SLC2A9: variants seen among roughly 807,000 people sequenced by gnomAD.
SLC2A9 encodes solute carrier family 2, facilitated glucose transporter member 9.
In SLC2A9, 39 loss-of-function variants were observed where a neutral mutation model predicts 50.6. The ratio of observed to expected loss-of-function variants is 0.77; its 90% CI spans 0.60 to 1.01. The LOEUF (loss-of-function observed/expected upper bound fraction) is 1.01. SLC2A9 is among the 50% of genes least tolerant of loss of function. The pLI is 0.00. For synonymous variants in SLC2A9, 324 were observed against 276.9 expected, an observed-to-expected ratio of 1.17 and a Z score of -1.69; for missense variants, 686 against 677.6, an observed-to-expected ratio of 1.01 and a Z score of -0.14.
intron 10 of SLC2A9, among the ~76,000 whole-genome samples, chr4:9,859,304 C>T (rs1731238017): frequency 6.6e-6 from 1 of 152,182 alleles, no homozygotes; most frequent in Non-Finnish European, 1.5e-5. Flanking sequence ...GGGGTCCTCT[C>T]CGTCAAGGTG....
chr4:9,890,536 A>C, intron 9 of SLC2A9, 74 bp downstream of exon 9: 1 of 1,375,312 alleles, frequency 7.3e-7, no homozygotes, highest in South Asian at 1.2e-5. Context: ...CACAAATCAA[A>C]GGCCCCAAAA....
chr4:9,944,805 G>A (rs1005893422), intron 5 of SLC2A9, among the ~76,000 whole-genome samples: 8 of 150,342 alleles, frequency 5.3e-5, no homozygotes, highest in African/African-American at 1.3e-4. Context: ...AGGGAGAGGT[G>A]TTATAGTTAG....
chr4:9,878,133 A>AAC lies in SLC2A9; in HGVS notation c.1291+9432_1291+9433dup, dbSNP rs1288116397. 9.2e-5 allele frequency among the ~76,000 whole-genome samples: 14 copies of AAC among 151,532 alleles called. No individual in the cohort carries two copies. In the South Asian group the frequency reaches 1.0e-3, roughly 11 times the overall value. Reference sequence around the variant, plus strand: ...CAGCCCAGGGCTGGCACTGTGGCATAACACACACACACATATATATATATA... The same window carrying AAC: ...CAGCCCAGGGCTGGCACTGTGGCATAACACACACACACACATATATATATATA... On this transcript the variant is annotated intron_variant, in intron 10 of 11. Coordinates refer to ENST00000264784, the MANE Select transcript of SLC2A9 (RefSeq NM_020041.3).
intron 10 of SLC2A9, among the ~76,000 whole-genome samples, chr4:9,883,610 C>G (rs1735624835): frequency 6.6e-6 from 1 of 152,206 alleles, no homozygotes; most frequent in Non-Finnish European, 1.5e-5. Context: ...TGAGTGGAAA[C>G]TGAGCAAGTG....
intron 10 of SLC2A9, among the ~76,000 whole-genome samples, chr4:9,839,460 T>A (rs140121074): frequency 6.6e-6 from 1 of 152,230 alleles, no homozygotes; most frequent in African/African-American, 2.4e-5. Context: ...GAACTACTAT[T>A]CGACCCAGCA....
chr4:9,973,007 A>G (rs1165430067), intron 5 of SLC2A9, among the ~76,000 whole-genome samples: 1 of 152,186 alleles, frequency 6.6e-6, no homozygotes, highest in Non-Finnish European at 1.5e-5. Context: ...AATGAAACCA[A>G]AAGTTCATTA....
chr4:10,037,441 G>A (rs1391076553), intron 1 of SLC2A9, among the ~76,000 whole-genome samples: 3 of 152,028 alleles, frequency 2.0e-5, no homozygotes, highest in African/African-American at 7.3e-5. Flanking sequence ...TGGCCTCCTC[G>A]ACACAGTGCT....
chr4:9,994,538 T>C (rs1003448378), intron 3 of SLC2A9, among the ~76,000 whole-genome samples: 1 of 151,014 alleles, frequency 6.6e-6, no homozygotes, highest in Non-Finnish European at 1.5e-5. Context: ...ATTTTCAAAG[T>C]TGTTTTCTCT....
intron 1 of SLC2A9, among the ~76,000 whole-genome samples, chr4:10,030,834 ATGTGTGATGGCATG>A (rs1763920830): frequency 6.6e-6 from 1 of 152,150 alleles, no homozygotes; most frequent in African/African-American, 2.4e-5. Flanking sequence ...GCCGCTTTGC[ATGTGTGATGGCATG>A]GCGCATAGCA....
intron 5 of SLC2A9, among the ~76,000 whole-genome samples, chr4:9,945,879 C>T (rs890567667): frequency 1.1e-4 from 17 of 152,214 alleles, no homozygotes; most frequent in African/African-American, 3.4e-4. Context: ...AGCAAATCAG[C>T]GTGGGAAAGG....
At chr4:9,776,860 T>C (rs1222417074), downstream of SLC2A9, among the ~76,000 whole-genome samples, 3 of 152,314 alleles carry the variant, frequency 2.0e-5, no homozygotes, top group Non-Finnish European at 2.9e-5. Flanking sequence ...GCCCTCACCA[T>C]GGCAACAGGG....
At chr4:9,858,878 T>C (rs1004543056) in intron 10 of SLC2A9, among the ~76,000 whole-genome samples, 10 of 152,184 alleles carry the variant, frequency 6.6e-5, no homozygotes, top group African/African-American at 9.7e-5. Context: ...CCAGTGCTGC[T>C]AGAATAAAGC....
intron 10 of SLC2A9, among the ~76,000 whole-genome samples, chr4:9,877,446 G>T (rs1734486871): frequency 6.6e-6 from 1 of 152,184 alleles, no homozygotes; most frequent in Non-Finnish European, 1.5e-5. Flanking sequence ...ACTCCACCTT[G>T]CCTCTTTTGA....
At chr4:9,939,898 G>C (rs933493353) in intron 6 of SLC2A9, among the ~76,000 whole-genome samples, 9 of 152,154 alleles carry the variant, frequency 5.9e-5, no homozygotes, top group Non-Finnish European at 1.0e-4. Flanking sequence ...TATAGGTACA[G>C]ATGAAAATTT....
chr4:9,903,360 CCT>C lies in SLC2A9; in HGVS notation c.1113+4873_1113+4874del, dbSNP rs1002325908. ...GAATGACTTCCTGTGAATTCTGACC[CCT>C]GATTTGTAAAAGCACAGAGTCTGTG... On this transcript the variant is annotated intron_variant, in intron 8 of 11. Transcript: ENST00000264784. 3.3e-5 allele frequency among the ~76,000 whole-genome samples: 5 copies of C among 151,962 alleles called. No individual in the cohort carries two copies. In the East Asian group the frequency reaches 5.8e-4, roughly 18 times the overall value.
intron 5 of SLC2A9, among the ~76,000 whole-genome samples, chr4:9,969,156 T>A (rs1224874800): frequency 1.3e-5 from 2 of 152,176 alleles, no homozygotes; most frequent in Non-Finnish European, 2.9e-5. Flanking sequence ...TTAGGCTTAT[T>A]TGGTAAATTA....
At chr4:9,915,994 G>T (rs2110052525) in intron 7 of SLC2A9, among the ~76,000 whole-genome samples, 1 of 152,244 alleles carries the variant, frequency 6.6e-6, no homozygotes, top group South Asian at 2.1e-4. Flanking sequence ...GGCCAAAAGA[G>T]GGGGAAAGTA....
At chr4:9,886,401 C>G (rs1736221276) in intron 10 of SLC2A9, among the ~76,000 whole-genome samples, 1 of 148,798 alleles carries the variant, frequency 6.7e-6, no homozygotes, top group Admixed American at 6.7e-5. Context: ...TTTCTTGCAG[C>G]CGTTCTGACC....
chr4:9,970,305 C>A lies in SLC2A9; in HGVS notation c.681+10287G>T, dbSNP rs191268745. On this transcript the variant is annotated intron_variant, in intron 5 of 11. Coordinates refer to ENST00000264784, the MANE Select transcript of SLC2A9 (RefSeq NM_020041.3). ...TGACTCTACTTCACAGGGAGCCTTG[C>A]AGAAGTCAGCCAGCCAACTCGGGTG... 1.6e-3 allele frequency among the ~76,000 whole-genome samples: 240 copies of A among 152,306 alleles called. 2 individuals carry two copies. The highest frequency in any genetic ancestry group is 4.6e-3 in the Admixed American group (70 of 15,302).
Sources: allele counts gnomAD v4.1 joint callset (sites outside exome capture counted in the v4.1 genomes callset), GRCh38; gene constraint gnomAD v4.1.1; transcripts MANE v1.5; gene names NCBI Gene and HGNC (gene_info 2026-07-23, HGNC 2026-07-21).